Variants in DOK5 observed in about 807,000 individuals in gnomAD.
The protein encoded by DOK5 is downstream of tyrosine kinase 5.
DOK5 carries 27 observed loss-of-function variants against 43.3 expected under a neutral mutation model. That is an observed-to-expected ratio of 0.62 (90% CI 0.46 to 0.86). The LOEUF (loss-of-function observed/expected upper bound fraction) is 0.86. DOK5 is among the 40% of genes least tolerant of loss of function. The pLI, the probability that DOK5 is intolerant of heterozygous loss-of-function variation, is 0.00. For synonymous variants in DOK5, 146 were observed against 140.1 expected, an observed-to-expected ratio of 1.04 and a Z score of -0.30; for missense variants, 373 against 392.9, an observed-to-expected ratio of 0.95 and a Z score of 0.43.
intron 7 of DOK5, among the ~76,000 whole-genome samples, chr20:54,645,378 C>T (rs1255907055): frequency 8.1e-6 from 1 of 123,470 alleles, no homozygotes; most frequent in Non-Finnish European, 1.7e-5. Flanking sequence ...CCTCAGTCCT[C>T]CATGCCCGCT....
intron 7 of DOK5, among the ~76,000 whole-genome samples, chr20:54,648,836 A>T (rs969817177): frequency 2.0e-5 from 3 of 152,144 alleles, no homozygotes; most frequent in African/African-American, 4.8e-5. Flanking sequence ...TGAGCACCGG[A>T]GTGTCTGGCC....
intron 7 of DOK5, among the ~76,000 whole-genome samples, chr20:54,646,248 G>GGT (rs1979415158): frequency 1.3e-5 from 1 of 79,922 alleles, no homozygotes; most frequent in Non-Finnish European, 2.2e-5. Context: ...TGGTTATACT[G>GGT]TTTTTTTTTT....
Position 54,591,811 on chromosome 20 carries a change from T to C in DOK5, c.599+6T>C, listed in dbSNP as rs1365863092. ...TTCACTTTTGAGGCAGGGAGGTGAGTTTAATGACTTTTAATGACTATTTTT... is the reference window on the plus strand; with the variant it reads ...TTCACTTTTGAGGCAGGGAGGTGAGCTTAATGACTTTTAATGACTATTTTT... On this transcript the variant is annotated splice_donor_region_variant and intron_variant, in intron 5 of 7. Transcript: ENST00000262593. 6.2e-7 allele frequency: 1 copy of C among 1,602,586 alleles called. No homozygotes were observed. Among genetic ancestry groups the C allele is most frequent in the Non-Finnish European group, 8.5e-7 (1 of 1,175,346 alleles).
rs549247121 is a variant in DOK5, at chr20:54,477,555, C to T, written c.66+1543C>T. 2.6e-5 allele frequency among the ~76,000 whole-genome samples: 4 copies of T among 152,150 alleles called. No homozygotes were observed. The South Asian group carries it at 6.2e-4, about 24-fold the overall frequency. On this transcript the variant is annotated intron_variant, in intron 1 of 7. Coordinates refer to ENST00000262593, the MANE Select transcript of DOK5 (RefSeq NM_018431.5). ...TTGTTGGGGGTACTTTACTGAGTGA[C>T]TCCCATGTAAGGGGCAAACAATAAT...
intron 1 of DOK5, among the ~76,000 whole-genome samples, chr20:54,550,296 A>G (rs1372035212): frequency 6.6e-6 from 1 of 152,216 alleles, no homozygotes; most frequent in Non-Finnish European, 1.5e-5. Context: ...TAAAAATTTA[A>G]TTAAACATTC....
chr20:54,553,418 A>C (rs924021559), intron 1 of DOK5, among the ~76,000 whole-genome samples: 2 of 151,692 alleles, frequency 1.3e-5, no homozygotes, highest in Non-Finnish European at 2.9e-5. Flanking sequence ...GATGGTCTCG[A>C]TCTCCTGACC....
intron 1 of DOK5, among the ~76,000 whole-genome samples, chr20:54,548,199 TAC>T (rs1246716952): frequency 1.3e-5 from 2 of 152,152 alleles, no homozygotes; most frequent in African/African-American, 4.8e-5. Context: ...TGAATTCTCA[TAC>T]AGTGTATTTA....
chr20:54,598,447 T>A (rs1986209173), intron 5 of DOK5, among the ~76,000 whole-genome samples: 1 of 152,134 alleles, frequency 6.6e-6, no homozygotes, highest in Non-Finnish European at 1.5e-5. Flanking sequence ...TGCAGCAAAA[T>A]CTCCCTTGGA....
At chr20:54,553,920 T>C (rs1287111422) in intron 1 of DOK5, among the ~76,000 whole-genome samples, 2 of 150,286 alleles carry the variant, frequency 1.3e-5, no homozygotes, top group African/African-American at 4.9e-5. Context: ...AAAAAAATTA[T>C]ACTTAGTAAT....
At chr20:54,485,078 TC>T (rs1333144518) in intron 1 of DOK5, among the ~76,000 whole-genome samples, 2 of 152,156 alleles carry the variant, frequency 1.3e-5, no homozygotes, top group African/African-American at 4.8e-5. Flanking sequence ...ACGCCTGTAA[TC>T]CCAGCACTTT....
intron 6 of DOK5, among the ~76,000 whole-genome samples, chr20:54,632,914 T>A (rs1978635656): frequency 6.6e-6 from 1 of 151,966 alleles, no homozygotes; most frequent in Non-Finnish European, 1.5e-5. Context: ...TCATCTCCAC[T>A]AAAAATACAG....
At chr20:54,492,496 C>A (rs1178511455) in intron 1 of DOK5, among the ~76,000 whole-genome samples, 1 of 152,038 alleles carries the variant, frequency 6.6e-6, no homozygotes, top group African/African-American at 2.4e-5. Flanking sequence ...GCTATATAAA[C>A]AATGAGGTAG....
At chr20:54,599,546 A>G (rs1986244522) in intron 5 of DOK5, among the ~76,000 whole-genome samples, 1 of 152,224 alleles carries the variant, frequency 6.6e-6, no homozygotes, top group Non-Finnish European at 1.5e-5. Flanking sequence ...CAAACAAGAC[A>G]AGGCCACCAT....
At chr20:54,613,491 CA>C (rs1473038120) in intron 6 of DOK5, among the ~76,000 whole-genome samples, 1 of 152,114 alleles carries the variant, frequency 6.6e-6, no homozygotes, top group African/African-American at 2.4e-5. Flanking sequence ...CTCTGCCCGC[CA>C]CACAAGAACA....
At chr20:54,497,062 TTC>T (rs1243815764) in intron 1 of DOK5, among the ~76,000 whole-genome samples, 3 of 152,190 alleles carry the variant, frequency 2.0e-5, no homozygotes, top group Non-Finnish European at 1.5e-5. Flanking sequence ...CTCTCCTAAT[TTC>T]TGTTTCCTCA....
chr20:54,610,753 G>A (rs915671907), intron 6 of DOK5, among the ~76,000 whole-genome samples: 1 of 152,236 alleles, frequency 6.6e-6, no homozygotes, highest in Admixed American at 6.5e-5. Context: ...TCGTAAGGGT[G>A]TGTAAAACTA....
chr20:54,585,763 G>A (rs1185203020), intron 2 of DOK5, among the ~76,000 whole-genome samples: 4 of 152,146 alleles, frequency 2.6e-5, no homozygotes, highest in Admixed American at 2.6e-4. Flanking sequence ...CCTCATCTGT[G>A]AAAAAGGTGA....
intron 1 of DOK5, chr20:54,476,240 C>T (rs1166000412): frequency 3.1e-6 from 3 of 977,710 alleles, no homozygotes; most frequent in South Asian, 4.7e-5. Context: ...TGATGGTGGC[C>T]GCGTGTTGGG....
intron 6 of DOK5, among the ~76,000 whole-genome samples, chr20:54,629,534 G>T (rs900520678): frequency 2.0e-5 from 3 of 152,064 alleles, no homozygotes; most frequent in Non-Finnish European, 4.4e-5. Flanking sequence ...TTGTTTAATA[G>T]ATATAAAACA....
Sources: gnomAD v4.1 joint callset for allele counts (sites outside exome capture counted in the v4.1 genomes callset) on GRCh38, gnomAD v4.1.1 for gene constraint, MANE v1.5 for transcripts, NCBI Gene and HGNC (gene_info 2026-07-23, HGNC 2026-07-21) for gene names.